RBFOX1: variants seen among roughly 807,000 people sequenced by gnomAD.
The protein encoded by RBFOX1 is RNA binding protein fox-1 homolog 1.
A neutral mutation model predicts 57.7 loss-of-function variants in RBFOX1; 8 were observed. The ratio of observed to expected loss-of-function variants is 0.14; its 90% CI spans 0.08 to 0.25. RBFOX1 has a LOEUF of 0.25. Ranked by LOEUF, RBFOX1 falls within the 10% of genes least tolerant of loss-of-function variation. The pLI, the probability that RBFOX1 is intolerant of heterozygous loss-of-function variation, is 1.00. For synonymous variants in RBFOX1, 326 were observed against 222.4 expected, an observed-to-expected ratio of 1.47 and a Z score of -4.15; for missense variants, 611 against 548.5, an observed-to-expected ratio of 1.11 and a Z score of -1.14.
intron 3 of RBFOX1, among the ~76,000 whole-genome samples, chr16:7,037,632 T>C (rs753956137): frequency 2.6e-5 from 4 of 152,228 alleles, no homozygotes; most frequent in African/African-American, 4.8e-5. Context: ...GCTTTCCGTG[T>C]GATAGGCACT....
intron 14 of RBFOX1, among the ~76,000 whole-genome samples, chr16:7,700,395 T>C (rs1314091617): frequency 6.6e-6 from 1 of 152,166 alleles, no homozygotes; most frequent in Non-Finnish European, 1.5e-5. Context: ...AACTTTGAGA[T>C]AGCTTAGCAA....
intron 4 of RBFOX1, among the ~76,000 whole-genome samples, chr16:7,401,936 C>G (rs186317148): frequency 5.3e-5 from 8 of 152,174 alleles, no homozygotes; most frequent in Admixed American, 3.3e-4. Context: ...GGTTAAATCT[C>G]CAAAAGAGGA....
intron 14 of RBFOX1, among the ~76,000 whole-genome samples, chr16:7,707,895 A>C (rs1360788629): frequency 6.6e-6 from 1 of 152,132 alleles, no homozygotes; most frequent in Non-Finnish European, 1.5e-5. Context: ...CTTGCACAGG[A>C]ATCTATTCCA....
At chr16:6,886,997 TTTTTTC>T (rs2064204617) in intron 3 of RBFOX1, among the ~76,000 whole-genome samples, 2 of 152,200 alleles carry the variant, frequency 1.3e-5, no homozygotes. Context: ...TTCATGATAA[TTTTTTC>T]CACTTTCTGG....
chr16:5,919,108 C>A (rs1271059715), intron 4 of RBFOX1, among the ~76,000 whole-genome samples: 1 of 152,076 alleles, frequency 6.6e-6, no homozygotes, highest in East Asian at 1.9e-4. Context: ...CACATAGGTA[C>A]CTGGAAAATT....
chr16:6,873,202 A>G (rs1008641182), intron 3 of RBFOX1, among the ~76,000 whole-genome samples: 13 of 151,774 alleles, frequency 8.6e-5, no homozygotes, highest in Non-Finnish European at 1.8e-4. Context: ...AGGAGTAGAG[A>G]TTTTTGCCTC....
intron 2 of RBFOX1, among the ~76,000 whole-genome samples, chr16:6,485,756 C>G (rs763017219): frequency 9.2e-5 from 14 of 152,180 alleles, no homozygotes; most frequent in Non-Finnish European, 1.6e-4. Context: ...AAAGTACTTT[C>G]TGTCTCATGA....
At chr16:7,609,717 G>C (rs188326448) in intron 10 of RBFOX1, among the ~76,000 whole-genome samples, 3 of 152,200 alleles carry the variant, frequency 2.0e-5, no homozygotes, top group Admixed American at 6.5e-5. Context: ...TGAGATTTCA[G>C]CTGGTCAGGA....
At chr16:7,379,772 G>A (rs1568514140) in intron 4 of RBFOX1, among the ~76,000 whole-genome samples, 2 of 149,016 alleles carry the variant, frequency 1.3e-5, no homozygotes, top group Middle Eastern at 3.5e-3. Flanking sequence ...CTGCCTTCCT[G>A]CCTTCCGTCC....
At chr16:5,400,272 C>T (rs1444246040) in intron 1 of RBFOX1, among the ~76,000 whole-genome samples, 1 of 151,716 alleles carries the variant, frequency 6.6e-6, no homozygotes, top group Non-Finnish European at 1.5e-5. Flanking sequence ...TTGTATTTTT[C>T]AGTAGAGATG....
At chr16:6,559,571 G>A (rs1297875886) in intron 2 of RBFOX1, among the ~76,000 whole-genome samples, 1 of 151,996 alleles carries the variant, frequency 6.6e-6, no homozygotes, top group Non-Finnish European at 1.5e-5. Flanking sequence ...CGTGTTGGAA[G>A]GACATTGGAA....
intron 4 of RBFOX1, among the ~76,000 whole-genome samples, chr16:7,502,133 C>G (rs946402733): frequency 2.0e-5 from 3 of 151,904 alleles, no homozygotes; most frequent in African/African-American, 7.3e-5. Flanking sequence ...GAGGCTAAAA[C>G]TTATGCAACA....
intron 5 of RBFOX1, among the ~76,000 whole-genome samples, chr16:7,558,551 C>G (rs2089447907): frequency 6.6e-6 from 1 of 151,786 alleles, no homozygotes; most frequent in Non-Finnish European, 1.5e-5. Context: ...CATATACTTT[C>G]TTACTATATA....
intron 4 of RBFOX1, among the ~76,000 whole-genome samples, chr16:5,926,135 C>T (rs1166933564): frequency 6.6e-6 from 1 of 152,162 alleles, no homozygotes; most frequent in Non-Finnish European, 1.5e-5. Context: ...TTATCTCTTC[C>T]AGTGAAAAGG....
At chr16:7,140,780 T>A (rs1446087862) in intron 4 of RBFOX1, among the ~76,000 whole-genome samples, 1 of 152,284 alleles carries the variant, frequency 6.6e-6, no homozygotes, top group Admixed American at 6.5e-5. Flanking sequence ...AGCGTTAAAC[T>A]TTCCAGGATG....
chr16:7,211,237 A>G (rs563198817), intron 4 of RBFOX1, among the ~76,000 whole-genome samples: 1 of 151,784 alleles, frequency 6.6e-6, no homozygotes, highest in East Asian at 1.9e-4. Context: ...TAAAAACACA[A>G]AGAAATTAGC....
intron 1 of RBFOX1, among the ~76,000 whole-genome samples, chr16:5,400,751 G>A (rs2066692910): frequency 6.6e-6 from 1 of 151,888 alleles, no homozygotes. Flanking sequence ...AAGGAAGATT[G>A]TAAAAACTTT....
intron 3 of RBFOX1, among the ~76,000 whole-genome samples, chr16:6,900,480 A>C (rs567273045): frequency 6.6e-6 from 1 of 152,190 alleles, no homozygotes; most frequent in African/African-American, 2.4e-5. Context: ...TCTTAGGATG[A>C]AAGCAAACAC....
chr16:7,200,904 T>C (rs1304417090), intron 4 of RBFOX1, among the ~76,000 whole-genome samples: 1 of 152,130 alleles, frequency 6.6e-6, no homozygotes, highest in African/African-American at 2.4e-5. Flanking sequence ...GTTCTAAGGA[T>C]AATGGAATAA....
Sources: gnomAD v4.1 joint callset for allele counts (sites outside exome capture counted in the v4.1 genomes callset) on GRCh38, gnomAD v4.1.1 for gene constraint, MANE v1.5 for transcripts, NCBI Gene and HGNC (gene_info 2026-07-23, HGNC 2026-07-21) for gene names.